Variants in MYO1H observed in about 807,000 individuals in gnomAD.
The protein encoded by MYO1H is unconventional myosin-Ih.
A neutral mutation model predicts 149.3 loss-of-function variants in MYO1H; 118 were observed. The ratio of observed to expected loss-of-function variants is 0.79; its 90% CI spans 0.68 to 0.92. MYO1H has a LOEUF of 0.92. MYO1H is among the 40% of genes least tolerant of loss of function. The pLI, the probability that MYO1H is intolerant of heterozygous loss-of-function variation, is 0.00. For synonymous variants in MYO1H, 447 were observed against 465.2 expected (o/e 0.96, Z 0.50); for missense variants, 1,212 against 1,280.7 (o/e 0.95, Z 0.82).
intron 2 of MYO1H, 95 bp from the exon 3 acceptor site, chr12:109,393,236 A>G: frequency 1.3e-6 from 1 of 770,564 alleles, no homozygotes; most frequent in Admixed American, 2.2e-5. Context: ...TATCATTTTA[A>G]ATCCTCCATG....
chr12:109,326,739 C>G, the MYO1H span, among the ~76,000 whole-genome samples: 1 of 151,972 alleles, frequency 6.6e-6, no homozygotes, highest in African/African-American at 2.4e-5. Context: ...AGGCTGGTCT[C>G]AAATCCCTGG....
intron 9 of MYO1H, 34 bp from the exon 10 acceptor site, chr12:109,407,760 C>T (rs973052252): frequency 3.9e-5 from 62 of 1,595,948 alleles, no homozygotes; most frequent in Non-Finnish European, 5.3e-5. Flanking sequence ...TTCTTTTTTC[C>T]ACCTATAATG....
In MYO1H at chr12:109,444,284, GTAATTGACAGCCACCAGTC is replaced by G; in HGVS notation, c.2895+3_2895+21del. 6.2e-7 allele frequency: 1 copy of G among 1,613,192 alleles called. No homozygotes were observed. The highest frequency in any genetic ancestry group is 8.5e-7 in the Non-Finnish European group (1 of 1,179,232). ...TTCACCAGAGGACAGCAAGCAAAAGGTAATTGACAGCCACCAGTCTCTACTAAAAGACAGAAACAATACA... is the reference window on the plus strand; with the variant it reads ...TTCACCAGAGGACAGCAAGCAAAAGGTCTACTAAAAGACAGAAACAATACA... On this transcript the variant is annotated splice_donor_variant and splice_donor_5th_base_variant and intron_variant, in intron 29 of 31. Transcript: ENST00000310903. LOFTEE classifies it high-confidence loss of function.
intron 16 of MYO1H, 95 bp from the exon 17 acceptor site, chr12:109,424,653 C>T: frequency 1.2e-6 from 1 of 844,272 alleles, no homozygotes; most frequent in Non-Finnish European, 1.9e-6. Context: ...AAGCAGATGG[C>T]TCTGTTGCTT....
intron 1 of MYO1H, among the ~76,000 whole-genome samples, chr12:109,354,805 T>C (rs1868550804): frequency 1.3e-5 from 2 of 152,162 alleles, no homozygotes; most frequent in African/African-American, 4.8e-5. Context: ...GAAAAAAATA[T>C]GTTTCTTCAA....
At chr12:109,416,654 T>C (rs924985949) in intron 15 of MYO1H, among the ~76,000 whole-genome samples, 7 of 152,092 alleles carry the variant, frequency 4.6e-5, no homozygotes, top group African/African-American at 1.7e-4. Context: ...AAGTTTTCAT[T>C]TTTCTTATAT....
chr12:109,322,982 C>T, the MYO1H span, among the ~76,000 whole-genome samples: 2 of 151,932 alleles, frequency 1.3e-5, no homozygotes, highest in African/African-American at 4.8e-5. Flanking sequence ...TGTTGTGCGC[C>T]TGTGGTCCCA....
rs549660218 is a variant in MYO1H at position 109,438,807 on chromosome 12, C to T, written c.2294+187C>T. 6.6e-5 allele frequency among the ~76,000 whole-genome samples: 10 copies of T among 152,320 alleles called. 2 individuals are homozygous for T. The South Asian group carries it at 2.1e-3, about 32-fold the overall frequency. ...GAGCTGAATTTGATGGTGATCACAA[C>T]TCAATGTATTTGGAATTTCTCTTAG... On this transcript the variant is annotated intron_variant, in intron 23 of 31. Transcript: ENST00000310903.
chr12:109,320,872 G>A, the MYO1H span, among the ~76,000 whole-genome samples: 1 of 151,978 alleles, frequency 6.6e-6, no homozygotes, highest in Non-Finnish European at 1.5e-5. Flanking sequence ...GGTGGATCAC[G>A]AGGTCAAGAG....
At position 109,443,046 on chromosome 12, in the gene MYO1H, GTATA is replaced by G. The variant is rs1430812347; in HGVS notation, c.2689-464_2689-461del. ...TATATATATGTGTGTGTGTGTGTGT[GTATA>G]TATGTGTACGTATGTGTGTATATAT... is the stretch of plus-strand genomic sequence containing the variant. On this transcript the variant is annotated intron_variant, in intron 27 of 31. Coordinates refer to ENST00000310903, the Ensembl canonical transcript of MYO1H. Among the ~76,000 whole-genome samples the G allele has an allele frequency of 2.2e-4, 15 of 66,968 alleles. 2 individuals are homozygous for G. The highest frequency in any genetic ancestry group is 1.2e-3 in the African/African-American group (13 of 10,424). 43.9% of individuals were successfully genotyped at this position (66,968 alleles called of 152,430 possible). A position where few individuals can be genotyped will look rare whatever the true frequency, so the allele number is the denominator to read the frequency against.
At chr12:109,432,941 C>A in exon 20 of MYO1H, 1 of 1,614,022 alleles carries the variant, frequency 6.2e-7, no homozygotes, top group Non-Finnish European at 8.5e-7. Flanking sequence ...TGGCACGGGC[C>A]TCCAGCAGAG....
At chr12:109,431,761 C>T (rs1484099677) in intron 19 of MYO1H, among the ~76,000 whole-genome samples, 1 of 152,170 alleles carries the variant, frequency 6.6e-6, no homozygotes, top group Non-Finnish European at 1.5e-5. Flanking sequence ...GAATCAGGTT[C>T]TTAACACTGG....
rs1871155640 is a variant in MYO1H at position 109,421,044 on chromosome 12, A to T, written c.1644+17A>T. On this transcript the variant is annotated intron_variant, in intron 16 of 31. Coordinates refer to ENST00000310903, the Ensembl canonical transcript of MYO1H. ...CTGAAAGAAGTAAGTCTGACACTTA[A>T]CTGTATGTGTTTCTGATTATTTTGA... is the stretch of plus-strand genomic sequence containing the variant. 1 of 1,491,108 alleles carries T rather than the reference A, an allele frequency of 6.7e-7. No homozygotes were observed. Among genetic ancestry groups the T allele is most frequent in the Non-Finnish European group, 9.3e-7 (1 of 1,077,236 alleles). The allele number at this position is 1,491,108 out of a possible 1,614,324, so 92.4% of individuals were successfully genotyped here. A position where few individuals can be genotyped will look rare whatever the true frequency, so the allele number is the denominator to read the frequency against.
chr12:109,380,447 G>A (rs1869181476), intron 1 of MYO1H, among the ~76,000 whole-genome samples: 1 of 152,204 alleles, frequency 6.6e-6, no homozygotes, highest in Admixed American at 6.5e-5. Context: ...AAAAAACACA[G>A]TAATGTGTCT....
the MYO1H span, among the ~76,000 whole-genome samples, chr12:109,337,414 A>G: frequency 6.6e-6 from 1 of 152,202 alleles, no homozygotes; most frequent in Non-Finnish European, 1.5e-5. Flanking sequence ...TAATAAAGAC[A>G]TAATGCAAGG....
At chr12:109,388,632 A>C in intron 1 of MYO1H, 51 bp from the exon 2 acceptor site, 3 of 1,466,026 alleles carry the variant, frequency 2.0e-6, no homozygotes, top group South Asian at 2.9e-5. Context: ...TAGACGTGTA[A>C]TAGATATTAC....
chr12:109,423,378 T>G (rs984999363), intron 16 of MYO1H, among the ~76,000 whole-genome samples: 1 of 152,206 alleles, frequency 6.6e-6, no homozygotes, highest in Non-Finnish European at 1.5e-5. Flanking sequence ...GTCAGTCTGG[T>G]CTTGAACTCC....
At position 109,351,695 on chromosome 12, in the gene MYO1H, A is replaced by G. The variant is rs753328949; in HGVS notation, c.12+3723A>G. ...CTTGAAAAATAAGAAGAAAGCCCCC[A>G]TGGCTAGGATGATTGCAATCACATT... On this transcript the variant is annotated intron_variant, in intron 1 of 31. Transcript: ENST00000310903. Among the ~76,000 whole-genome samples, 8 of 152,196 alleles carry G rather than the reference A, an allele frequency of 5.3e-5. No individual in the cohort carries two copies. The East Asian group carries it at 1.5e-3, about 29-fold the overall frequency.
intron 1 of MYO1H, among the ~76,000 whole-genome samples, chr12:109,366,217 ACTT>A (rs1355326902): frequency 2.0e-5 from 3 of 151,924 alleles, no homozygotes; most frequent in Non-Finnish European, 4.4e-5. Flanking sequence ...CTTTCCAATC[ACTT>A]CTTTTTGCAA....
Sources: allele counts gnomAD v4.1 joint callset (sites outside exome capture counted in the v4.1 genomes callset), GRCh38; gene constraint gnomAD v4.1.1; transcripts MANE v1.5; gene names NCBI Gene and HGNC (gene_info 2026-07-23, HGNC 2026-07-21).